The following RAPH1 variants were observed in gnomAD, a reference collection of about 807,000 sequenced individuals.
RAPH1 encodes the protein ras-associated and pleckstrin homology domains-containing protein 1.
A neutral mutation model predicts 88.1 loss-of-function variants in RAPH1; 18 were observed. The ratio of observed to expected loss-of-function variants is 0.20; its 90% CI spans 0.14 to 0.30. RAPH1 has a LOEUF of 0.30. RAPH1 is among the 10% of genes least tolerant of loss of function. RAPH1 has a pLI of 1.00. For missense variants in RAPH1, 1,448 were observed against 1,543.2 expected (o/e 0.94, Z 1.03); for synonymous variants, 587 against 559.0 (o/e 1.05, Z -0.71).
chr2:203,447,842 G>A (rs1383733972), intron 12 of RAPH1, 117 bp downstream of exon 12: 1 of 1,019,926 alleles, frequency 9.8e-7, no homozygotes, highest in African/African-American at 1.6e-5. Context: ...TATAATTTAG[G>A]AATTAAGTAT....
chr2:203,466,246 C>A (rs990155891), intron 4 of RAPH1, among the ~76,000 whole-genome samples: 2 of 152,152 alleles, frequency 1.3e-5, no homozygotes, highest in Admixed American at 1.3e-4. Flanking sequence ...AGTATCATCC[C>A]TGGAACAAAA....
intron 4 of RAPH1, chr2:203,477,215 C>T (rs1356300493): frequency 8.2e-7 from 1 of 1,213,452 alleles, no homozygotes; most frequent in Non-Finnish European, 1.2e-6. Flanking sequence ...GGGCAGTTCT[C>T]ATTACCATGC....
At chr2:203,507,878 C>T (rs1689156795) in intron 1 of RAPH1, among the ~76,000 whole-genome samples, 1 of 152,032 alleles carries the variant, frequency 6.6e-6, no homozygotes, top group Non-Finnish European at 1.5e-5. Flanking sequence ...ATTTTGATAA[C>T]AGTATTGCAG....
chr2:203,464,071 T>G (rs1039381937), intron 4 of RAPH1, among the ~76,000 whole-genome samples: 33 of 152,236 alleles, frequency 2.2e-4, no homozygotes, highest in African/African-American at 8.0e-4. Context: ...GTTTCATGAA[T>G]ATTTTCTCAA....
intron 1 of RAPH1, among the ~76,000 whole-genome samples, chr2:203,515,071 G>T (rs1689533949): frequency 6.6e-6 from 1 of 151,950 alleles, no homozygotes; most frequent in African/African-American, 2.4e-5. Context: ...GGGACCTAGG[G>T]GTACAATACT....
intron 8 of RAPH1, among the ~76,000 whole-genome samples, chr2:203,457,183 ATTTAT>A (rs1448668110): frequency 1.3e-5 from 2 of 151,474 alleles, no homozygotes; most frequent in Non-Finnish European, 2.9e-5. Context: ...TATTTTATTT[ATTTAT>A]TTATTTATTT....
chr2:203,508,031 T>G (rs1229733063), intron 1 of RAPH1, among the ~76,000 whole-genome samples: 1 of 150,382 alleles, frequency 6.6e-6, no homozygotes, highest in Non-Finnish European at 1.5e-5. Context: ...GCTAACACAG[T>G]GAAACCCCAT....
rs141741838 is a variant in RAPH1 at position 203,532,068 on chromosome 2, C to T, written c.-1+3043G>A. 9.1e-4 allele frequency among the ~76,000 whole-genome samples: 139 copies of T among 152,244 alleles called. 1 individual carries two copies. The Middle Eastern group carries it at 0.01, about 11-fold the overall frequency. On this transcript the variant is annotated intron_variant, in intron 1 of 13. Transcript: ENST00000319170. The stretch of plus-strand genomic sequence containing the variant: ...AAAAAGGAATGGAATTATGATACAT[C>T]CTACATGGATGATCTTGAAGACAGT...
At chr2:203,459,570 A>C (rs892098883) in intron 7 of RAPH1, among the ~76,000 whole-genome samples, 1 of 152,220 alleles carries the variant, frequency 6.6e-6, no homozygotes, top group Admixed American at 6.5e-5. Context: ...TGAGATGACA[A>C]ACTCACCAAA....
chr2:203,495,372 T>G lies in RAPH1; in HGVS notation c.1-19A>C. On this transcript the variant is annotated intron_variant, in intron 1 of 13. Transcript: ENST00000319170. ...GCTCCATCTGAAATACAGACATTTG[T>G]GTAGAATGAATAGTAAGTTACAGGT... is the stretch of plus-strand genomic sequence containing the variant. The G allele has an allele frequency of 6.2e-7, 1 of 1,613,490 alleles. No homozygotes were observed. The highest frequency in any genetic ancestry group is 8.5e-7 in the Non-Finnish European group (1 of 1,179,804).
Position 203,441,217 on chromosome 2 carries a change from C to G in RAPH1, c.1973G>C (p.Gly658Ala), listed in dbSNP as rs1158387648. The part of the protein sequence containing the change: ...PLPSQSAPSA[G>A]SAAPMFVKYS... ...CTTGACGAACATTGGGGCTGCTGAGCCTGCAGAAGGTGCAGACTGGCTGGG... is the reference window on the plus strand; with the variant it reads ...CTTGACGAACATTGGGGCTGCTGAGGCTGCAGAAGGTGCAGACTGGCTGGG... Residue 658 changes from glycine (G) to alanine (A), a missense_variant, in exon 14 of 14, where the codon GGC becomes GCC. Gly to Ala is a moderately conservative substitution (Grantham distance 60). Coordinates refer to ENST00000319170, the MANE Select transcript of RAPH1 (RefSeq NM_213589.3). 1.3e-6 allele frequency: 2 copies of G among 1,536,794 alleles called. No individual in the cohort carries two copies. Among genetic ancestry groups the G allele is most frequent in the Admixed American group, 3.6e-5 (2 of 55,006 alleles).
At chr2:203,530,416 C>T (rs974022698) in intron 1 of RAPH1, among the ~76,000 whole-genome samples, 2 of 152,088 alleles carry the variant, frequency 1.3e-5, no homozygotes, top group African/African-American at 2.4e-5. Flanking sequence ...TTTGATTTCA[C>T]CCAGGTAAGC....
intron 4 of RAPH1, among the ~76,000 whole-genome samples, chr2:203,488,410 GAAACCCC>G (rs1688071593): frequency 6.6e-6 from 1 of 151,484 alleles, no homozygotes; most frequent in East Asian, 2.0e-4. Flanking sequence ...CCAGCATGGT[GAAACCCC>G]GTCTCTACCA....
chr2:203,500,375 C>A (rs748282929), intron 1 of RAPH1, among the ~76,000 whole-genome samples: 4 of 152,106 alleles, frequency 2.6e-5, no homozygotes, highest in African/African-American at 4.8e-5. Context: ...CTCAAAGTGA[C>A]TTAGCATTTC....
intron 4 of RAPH1, among the ~76,000 whole-genome samples, chr2:203,479,682 C>T (rs989018143): frequency 3.3e-5 from 5 of 150,672 alleles, no homozygotes; most frequent in Non-Finnish European, 7.4e-5. Context: ...AACAGTATGA[C>T]GGAATACTAT....
intron 4 of RAPH1, among the ~76,000 whole-genome samples, chr2:203,474,248 A>G (rs2098535495): frequency 6.6e-6 from 1 of 152,180 alleles, no homozygotes; most frequent in Non-Finnish European, 1.5e-5. Context: ...GAAAATGTTA[A>G]GGACATTCTG....
At chr2:203,476,825 G>C (rs759699708) in intron 4 of RAPH1, among the ~76,000 whole-genome samples, 1 of 152,126 alleles carries the variant, frequency 6.6e-6, no homozygotes, top group Non-Finnish European at 1.5e-5. Flanking sequence ...AATAAAGAAG[G>C]CATGTTGTTT....
rs771678863 is a variant in RAPH1 at position 203,440,726 on chromosome 2, A to C, written c.2464T>G (p.Ser822Ala). Reference protein sequence around the residue: ...PAKKQPAFPASYIPPSPPTPP... With the variant: ...PAKKQPAFPAAYIPPSPPTPP... Reference sequence around the variant, plus strand: ...GTAGGGGGAGAGGGTGGAATGTAAGAAGCAGGGAAAGCTGGCTGCTTTTTT... The same window carrying C: ...GTAGGGGGAGAGGGTGGAATGTAAGCAGCAGGGAAAGCTGGCTGCTTTTTT... The change falls in exon 14 of 14, where the codon TCT becomes GCT. Residue 822 changes from serine to alanine, a missense_variant. Physicochemically the swap from Ser to Ala is moderately conservative, Grantham distance 99 (BLOSUM62 1). Coordinates refer to ENST00000319170, the MANE Select transcript of RAPH1 (RefSeq NM_213589.3). 45 of 1,607,514 alleles carry C rather than the reference A, an allele frequency of 2.8e-5. No homozygotes were observed. The highest frequency in any genetic ancestry group is 3.4e-5 in the Non-Finnish European group (40 of 1,176,736).
intron 1 of RAPH1, among the ~76,000 whole-genome samples, chr2:203,526,178 GT>G (rs1690105603): frequency 6.6e-6 from 1 of 152,096 alleles, no homozygotes; most frequent in African/African-American, 2.4e-5. Flanking sequence ...AATTTCGACT[GT>G]ATTGAAGAAT....
Sources: allele counts gnomAD v4.1 joint callset (sites outside exome capture counted in the v4.1 genomes callset), GRCh38; gene constraint gnomAD v4.1.1; transcripts MANE v1.5; gene names NCBI Gene and HGNC (gene_info 2026-07-23, HGNC 2026-07-21).